Variants in TXNRD3 observed in about 807,000 individuals in gnomAD.
TXNRD3 encodes TXNRD3 neighbor gene protein.
Under a neutral mutation model 78.2 loss-of-function variants are expected in TXNRD3, and 68 were observed. The ratio of observed to expected loss-of-function variants is 0.87; its 90% CI spans 0.72 to 1.06. The LOEUF is 1.06. Among genes scored for constraint, TXNRD3 ranks in the 50% least tolerant of loss-of-function variants. The pLI, the probability that TXNRD3 is intolerant of heterozygous loss-of-function variation, is 0.00. For synonymous variants in TXNRD3, 296 were observed against 300.1 expected (o/e 0.99, Z 0.14); for missense variants, 751 against 809.5 (o/e 0.93, Z 0.88).
intron 1 of TXNRD3, among the ~76,000 whole-genome samples, chr3:126,652,119 G>A (rs1022438845): frequency 8.5e-5 from 13 of 152,172 alleles, no homozygotes; most frequent in Admixed American, 7.9e-4. Flanking sequence ...GACTCTACAG[G>A]AAGCATGATA....
rs1447782536 is a variant in TXNRD3 at position 126,630,861 on chromosome 3, C to A, written c.1048G>T (p.Ala350Ser). The change falls in exon 9 of 16, where the codon GCA becomes TCA. Residue 350 changes from alanine (A) to serine (S), a missense_variant. Physicochemically the swap from Ala to Ser is moderately conservative, Grantham distance 99 (BLOSUM62 1). Transcript: ENST00000524230. Reference sequence around the variant, plus strand: ...AGGCCAAAGCCAGCCAGAAACCCTGCACACTCCAGGGCAACATAAGAGGCA... The same window carrying A: ...AGGCCAAAGCCAGCCAGAAACCCTGAACACTCCAGGGCAACATAAGAGGCA... 8 of 1,536,026 alleles carry A rather than the reference C, an allele frequency of 5.2e-6. No individual in the cohort carries two copies. The highest frequency in any genetic ancestry group is 7.0e-6 in the Non-Finnish European group (8 of 1,146,886).
At chr3:126,634,827 C>G (rs1938814499) in intron 6 of TXNRD3, among the ~76,000 whole-genome samples, 2 of 152,166 alleles carry the variant, frequency 1.3e-5, no homozygotes, top group South Asian at 4.1e-4. Flanking sequence ...AGGGTAACAT[C>G]TGGAAAATTA....
At chr3:126,630,596 T>A in intron 9 of TXNRD3, 116 bp downstream of exon 9, 1 of 1,131,136 alleles carries the variant, frequency 8.8e-7, no homozygotes, top group South Asian at 1.5e-5. Flanking sequence ...GACTTGGGAG[T>A]GGAAACACTG....
chr3:126,634,070 G>A lies in TXNRD3; in HGVS notation c.713-19C>T. On this transcript the variant is annotated intron_variant, in intron 6 of 15. Coordinates refer to ENST00000524230, the MANE Select transcript of TXNRD3 (RefSeq NM_052883.3). ...TGCCTCACTAAGAAGAAATAATCAG[G>A]GTGAAGATGTTAGGTGAATTTTACC... The A allele has an allele frequency of 6.8e-7, 1 of 1,469,090 alleles. No homozygotes were observed. The highest frequency in any genetic ancestry group is 9.0e-7 in the Non-Finnish European group (1 of 1,112,468). 91.0% of individuals were successfully genotyped at this position (1,469,090 alleles called of 1,614,324 possible).
At chr3:126,608,684 A>G in intron 14 of TXNRD3, 51 bp from the exon 15 acceptor site, 2 of 1,498,174 alleles carry the variant, frequency 1.3e-6, no homozygotes, top group Non-Finnish European at 1.8e-6. Flanking sequence ...AATGGTCTGA[A>G]TATGGATCCA....
rs1268169782 is a variant in TXNRD3, at chr3:126,655,082, A to C, written c.-92T>G. The C allele has an allele frequency of 7.7e-7, 1 of 1,299,036 alleles. No individual in the cohort carries two copies. Among genetic ancestry groups the C allele is most frequent in the African/African-American group, 1.6e-5 (1 of 64,280 alleles). The allele number at this position is 1,299,036 out of a possible 1,614,324, so 80.5% of individuals were successfully genotyped here. A position where few individuals can be genotyped will look rare whatever the true frequency, so the allele number is the denominator to read the frequency against. ...CGGGACGGGGCCTGAGGGGCGGCGA[A>C]CGCTGCCCTCGCTGGCCACTCTCAC... On this transcript the variant is annotated 5_prime_UTR_variant, in exon 1 of 16. Coordinates refer to ENST00000524230, the MANE Select transcript of TXNRD3 (RefSeq NM_052883.3).
intron 6 of TXNRD3, among the ~76,000 whole-genome samples, chr3:126,637,568 TA>T (rs1932938784): frequency 6.6e-6 from 1 of 152,160 alleles, no homozygotes; most frequent in Non-Finnish European, 1.5e-5. Flanking sequence ...AGGAAATTCT[TA>T]ATTTCCTACT....
chr3:126,642,215 T>C (rs1237489425), intron 5 of TXNRD3, 64 bp from the exon 6 acceptor site: 3 of 1,475,178 alleles, frequency 2.0e-6, no homozygotes, highest in Middle Eastern at 1.7e-4. Context: ...TGCAATCATA[T>C]TATATTAAAA....
chr3:126,622,628 G>A, intron 10 of TXNRD3, 88 bp from the exon 11 acceptor site: 1 of 929,004 alleles, frequency 1.1e-6, no homozygotes, highest in Non-Finnish European at 1.6e-6. Flanking sequence ...GACATTAAAA[G>A]GGTAATAATG....
At chr3:126,640,094 CTTTTT>C (rs747114940) in intron 6 of TXNRD3, among the ~76,000 whole-genome samples, 1 of 14,320 alleles carries the variant, frequency 7.0e-5, no homozygotes, top group East Asian at 1.2e-3. Flanking sequence ...CTTGTGTTTT[CTTTTT>C]TTTTTTTTTT....
intron 5 of TXNRD3, 140 bp from the exon 6 acceptor site, chr3:126,642,291 A>G: frequency 9.1e-7 from 1 of 1,102,416 alleles, no homozygotes; most frequent in South Asian, 1.9e-5. Context: ...GACACAAGGG[A>G]TTAACCCAAA....
intron 13 of TXNRD3, among the ~76,000 whole-genome samples, chr3:126,612,435 C>T (rs1358795734): frequency 6.6e-6 from 1 of 152,052 alleles, no homozygotes; most frequent in Non-Finnish European, 1.5e-5. Flanking sequence ...AAATACACCT[C>T]TAAGGTTAAA....
chr3:126,632,150 G>C lies in TXNRD3; in HGVS notation c.856-271C>G, dbSNP rs187491303. Among the ~76,000 whole-genome samples the C allele has an allele frequency of 1.6e-4, 25 of 152,256 alleles. No individual in the cohort carries two copies. In the East Asian group the frequency reaches 4.8e-3, roughly 29 times the overall value. ...AGTAGAGATTTTCAAGTGGAGATAA[G>C]AAAAATGAAATGATGGGAGAGGAAC... On this transcript the variant is annotated intron_variant, in intron 7 of 15. Coordinates refer to ENST00000524230, the MANE Select transcript of TXNRD3 (RefSeq NM_052883.3).
chr3:126,633,879 G>A, intron 7 of TXNRD3, 30 bp downstream of exon 7: 2 of 1,442,720 alleles, frequency 1.4e-6, no homozygotes, highest in Non-Finnish European at 1.8e-6. Context: ...AAAGAAAGGA[G>A]ATGAACAAGA....
rs552398457 is a variant in TXNRD3 at position 126,638,141 on chromosome 3, C to A, written c.712+3891G>T. Among the ~76,000 whole-genome samples the A allele has an allele frequency of 1.7e-3, 253 of 151,976 alleles. 1 individual carries two copies. The highest frequency in any genetic ancestry group is 5.8e-3 in the African/African-American group (239 of 41,468). ...TGTATTTTTAGTAGAGACAGGGTTT[C>A]ATTGTGTTAGCCAGAATGGTCTTGA... On this transcript the variant is annotated intron_variant, in intron 6 of 15. Coordinates refer to ENST00000524230, the MANE Select transcript of TXNRD3 (RefSeq NM_052883.3).
rs1449945906 is a variant in TXNRD3 at position 126,630,817 on chromosome 3, TACCATA to T, written c.1086_1091del (p.Met363_Val364del). 1.3e-6 allele frequency: 2 copies of T among 1,535,496 alleles called. No individual in the cohort carries two copies. The highest frequency in any genetic ancestry group is 1.7e-6 in the Non-Finnish European group (2 of 1,146,902). ...CGAAGCCACGGAGAAGGATTGAGCG[TACCATA>T]ACTGTGACATCTAGGCCAAAGCCAG... On this transcript the variant is annotated inframe_deletion, in exon 9 of 16. Coordinates refer to ENST00000524230, the MANE Select transcript of TXNRD3 (RefSeq NM_052883.3).
chr3:126,622,358 G>T, intron 11 of TXNRD3, 106 bp downstream of exon 11: 1 of 744,374 alleles, frequency 1.3e-6, no homozygotes, highest in Non-Finnish European at 2.1e-6. Flanking sequence ...GAACTTATAA[G>T]ATAAATTAAG....
intron 1 of TXNRD3, among the ~76,000 whole-genome samples, chr3:126,652,734 C>T (rs1933418962): frequency 6.6e-6 from 1 of 152,174 alleles, no homozygotes; most frequent in South Asian, 2.1e-4. Context: ...GGTTTGGATC[C>T]CGCCTAACAC....
chr3:126,644,560 T>C (rs2107626842), intron 3 of TXNRD3, among the ~76,000 whole-genome samples, 159 bp from the exon 4 acceptor site: 1 of 152,372 alleles, frequency 6.6e-6, no homozygotes, highest in Admixed American at 6.5e-5. Flanking sequence ...CTGGATGCTA[T>C]TTAAAAACAG....
Sources: allele counts gnomAD v4.1 joint callset (sites outside exome capture counted in the v4.1 genomes callset), GRCh38; gene constraint gnomAD v4.1.1; transcripts MANE v1.5; gene names NCBI Gene and HGNC (gene_info 2026-07-23, HGNC 2026-07-21).